PLEKHG1: variants seen among roughly 807,000 people sequenced by gnomAD.
PLEKHG1 encodes pleckstrin homology and RhoGEF domain containing G1.
A neutral mutation model predicts 100.8 loss-of-function variants in PLEKHG1; 44 were observed. The observed-to-expected ratio is 0.44, with a 90% CI of 0.34 to 0.56. The LOEUF (loss-of-function observed/expected upper bound fraction) is 0.56. Ranked by LOEUF, PLEKHG1 falls within the 20% of genes least tolerant of loss-of-function variation. PLEKHG1 has a pLI of 0.01. For missense variants in PLEKHG1, 1,545 were observed against 1,720.9 expected, an observed-to-expected ratio of 0.90 and a Z score of 1.81; for synonymous variants, 640 against 662.5, an observed-to-expected ratio of 0.97 and a Z score of 0.52.
intron 3 of PLEKHG1, among the ~76,000 whole-genome samples, chr6:150,714,811 A>ATTTT (rs773303756): frequency 2.0e-5 from 3 of 147,980 alleles, no homozygotes; most frequent in South Asian, 2.2e-4. Context: ...TGCTGACAGA[A>ATTTT]TTTTTTTCTT....
chr6:150,648,405 C>T (rs898354145), intron 2 of PLEKHG1, among the ~76,000 whole-genome samples: 1 of 152,056 alleles, frequency 6.6e-6, no homozygotes, highest in African/African-American at 2.4e-5. Context: ...CCTATTTCTC[C>T]ATACACTGAG....
At chr6:150,825,833 TA>T (rs1418777151) in intron 14 of PLEKHG1, among the ~76,000 whole-genome samples, 7 of 152,324 alleles carry the variant, frequency 4.6e-5, no homozygotes, top group African/African-American at 1.7e-4. Context: ...AACATGTTCT[TA>T]AAAGTGCTTA....
At chr6:150,653,743 A>C (rs958622742) in intron 3 of PLEKHG1, among the ~76,000 whole-genome samples, 8 of 151,948 alleles carry the variant, frequency 5.3e-5, no homozygotes, top group Non-Finnish European at 1.0e-4. Context: ...GTGAGACCCT[A>C]TCGCAAAAAA....
At chr6:150,665,959 G>A (rs1341777697) in intron 3 of PLEKHG1, among the ~76,000 whole-genome samples, 4 of 152,158 alleles carry the variant, frequency 2.6e-5, no homozygotes, top group Non-Finnish European at 5.9e-5. Flanking sequence ...CCATGATGGG[G>A]TGGGGCCTTG....
Position 150,831,494 on chromosome 6 carries a change from G to A in PLEKHG1, c.2383G>A (p.Asp795Asn), listed in dbSNP as rs1190498581. Residue 795 changes from aspartate (D) to asparagine (N), a missense_variant, in exon 15 of 16, where the codon GAC (aspartate) becomes AAC (asparagine). By Grantham distance (23) the Asp-to-Asn change is conservative. Coordinates refer to ENST00000358517, the Ensembl canonical transcript of PLEKHG1. The surrounding 1 kb of genome is among the most constrained non-coding windows in gnomAD (Gnocchi z 4.1). ...CCAAGACAGCCTCCAGCTCAGTGAG[G>A]ACGAAGCCCCTTACCATCAGGCCAC... 6.2e-7 allele frequency: 1 copy of A among 1,614,160 alleles called. No homozygotes were observed. Among genetic ancestry groups the A allele is most frequent in the South Asian group, 1.1e-5 (1 of 91,072 alleles).
At chr6:150,810,241 A>G (rs1787412019) in intron 10 of PLEKHG1, among the ~76,000 whole-genome samples, 1 of 150,526 alleles carries the variant, frequency 6.6e-6, no homozygotes, top group Non-Finnish European at 1.5e-5. Flanking sequence ...CGGAGGTTGC[A>G]GTGAGCTGAG....
upstream of PLEKHG1, among the ~76,000 whole-genome samples, chr6:150,717,487 G>A (rs143830313): frequency 2.3e-3 from 346 of 152,240 alleles, 1 homozygote; most frequent in African/African-American, 7.8e-3. Context: ...GCCTGGGAAG[G>A]GATTTTTTTA....
chr6:150,840,112 C>T lies in PLEKHG1; in HGVS notation c.3374C>T (p.Ala1125Val). The T allele has an allele frequency of 6.2e-7, 1 of 1,614,258 alleles. No homozygotes were observed. Among genetic ancestry groups the T allele is most frequent in the African/African-American group, 1.3e-5 (1 of 75,080 alleles). The stretch of plus-strand genomic sequence containing the variant: ...AAAAGTACTCCCAGGCAATTGTCCG[C>T]AGCTTGCTCTGTGCCTTCTCTTCAA... The change falls in exon 16 of 16, where the codon GCA (alanine) becomes GTA (valine). Residue 1125 changes from alanine to valine, a missense_variant. Transcript: ENST00000358517.
chr6:150,624,888 G>A (rs542137253), intron 1 of PLEKHG1: 1 of 152,202 alleles, frequency 6.6e-6, no homozygotes, highest in Non-Finnish European at 1.5e-5. Flanking sequence ...GATAAAATTT[G>A]GTTAATTAAA....
chr6:150,831,001 A>G lies in PLEKHG1; in HGVS notation c.1890A>G (p.Glu630=). ...TAGGAACTAGTGACAGAACTAGGGA[A>G]CTGCAGAACAGCCCCAAAACAGAAG... Residue 630 remains glutamate, a synonymous_variant, in exon 15 of 16, where the codon GAA becomes GAG. Coordinates refer to ENST00000358517, the Ensembl canonical transcript of PLEKHG1. This position sits in a 1 kb window ranked among gnomAD's most constrained non-coding sequence, Gnocchi z 4.1. 6.2e-7 allele frequency: 1 copy of G among 1,613,962 alleles called. No individual in the cohort carries two copies.
intron 3 of PLEKHG1, among the ~76,000 whole-genome samples, chr6:150,694,660 A>C (rs1780475380): frequency 6.6e-6 from 1 of 150,498 alleles, no homozygotes; most frequent in Non-Finnish European, 1.5e-5. Flanking sequence ...AGATGGTACC[A>C]TTGTACTCCA....
intron 15 of PLEKHG1, 151 bp downstream of exon 16, chr6:150,832,356 C>T (rs1490875925): frequency 9.3e-6 from 6 of 645,156 alleles, no homozygotes; most frequent in African/African-American, 9.1e-5. Flanking sequence ...GCCATACTGG[C>T]CTTTCTCACA....
intron 3 of PLEKHG1, among the ~76,000 whole-genome samples, chr6:150,658,884 A>G (rs1779073688): frequency 6.6e-6 from 1 of 152,220 alleles, no homozygotes; most frequent in Admixed American, 6.5e-5. Context: ...CACATTTACG[A>G]TAAGCTACAT....
intron 3 of PLEKHG1, among the ~76,000 whole-genome samples, chr6:150,783,060 C>T (rs1785405288): frequency 2.2e-5 from 3 of 137,996 alleles, no homozygotes; most frequent in Non-Finnish European, 4.7e-5. Flanking sequence ...AGAACAAAAG[C>T]ATAAGCAAGA....
rs149167280 is a variant in PLEKHG1, at chr6:150,809,140, A to G, written c.948A>G (p.Pro316=). Residue 316 remains proline (P), a synonymous_variant, in exon 8 of 16, where the codon CCA becomes CCG. Transcript: ENST00000358517. ...GTTTGCTCACTAACTGGAAGGGGCC[A>G]GACCTGACCAGCTACGGGGAACTGG... 1.2e-3 allele frequency: 1,927 copies of G among 1,614,204 alleles called. 16 individuals are homozygous for G. The African/African-American group carries it at 0.021, about 18-fold the overall frequency.
chr6:150,840,895 A>G, exon 16 of PLEKHG1: 1 of 1,599,546 alleles, frequency 6.3e-7, no homozygotes, highest in African/African-American at 1.3e-5. Flanking sequence ...AGCTTTGCTT[A>G]AGGTTCTTCA....
At chr6:150,761,498 G>A (rs892846414) in intron 2 of PLEKHG1, among the ~76,000 whole-genome samples, 13 of 151,898 alleles carry the variant, frequency 8.6e-5, no homozygotes, top group African/African-American at 3.1e-4. Flanking sequence ...GTAGAGACGG[G>A]GTTTCAGGCT....
chr6:150,826,616 G>A (rs17080378), intron 14 of PLEKHG1, among the ~76,000 whole-genome samples: 3,732 of 152,230 alleles, frequency 0.025, 54 homozygotes, highest in South Asian at 0.047. Flanking sequence ...ATGACTTTCA[G>A]TATTGTGACC....
chr6:150,819,878 A>G (rs1017296634), intron 12 of PLEKHG1, 104 bp downstream of exon 13: 5 of 751,558 alleles, frequency 6.7e-6, no homozygotes, highest in East Asian at 5.1e-5. Flanking sequence ...TTCTCAGCTC[A>G]CTGCCGGTCT....
Sources: allele counts gnomAD v4.1 joint callset (sites outside exome capture counted in the v4.1 genomes callset), GRCh38; gene constraint gnomAD v4.1.1; non-coding constraint Gnocchi (gnomAD v3.1); transcripts MANE v1.5; gene names NCBI Gene and HGNC (gene_info 2026-07-23, HGNC 2026-07-21).